Variants in DPP6 observed in about 807,000 individuals in gnomAD.
The protein encoded by DPP6 is A-type potassium channel modulatory protein DPP6.
A neutral mutation model predicts 122.6 loss-of-function variants in DPP6; 69 were observed. The ratio of observed to expected loss-of-function variants is 0.56; its 90% CI spans 0.46 to 0.69. The LOEUF (loss-of-function observed/expected upper bound fraction) is 0.69. Among genes scored for constraint, DPP6 ranks in the 30% least tolerant of loss-of-function variants. DPP6 has a pLI of 0.00. For synonymous variants in DPP6, 418 were observed against 433.1 expected (o/e 0.97, Z 0.43); for missense variants, 928 against 1,116.9 (o/e 0.83, Z 2.41).
chr7:154,155,369 A>T (rs1376275243), intron 1 of DPP6, among the ~76,000 whole-genome samples: 1 of 152,184 alleles, frequency 6.6e-6, no homozygotes, highest in Admixed American at 6.5e-5. Flanking sequence ...TTCTTCAGAG[A>T]AATAGTCAGG....
chr7:154,658,115 C>T (rs371980428), intron 6 of DPP6, among the ~76,000 whole-genome samples: 2 of 152,210 alleles, frequency 1.3e-5, no homozygotes, highest in African/African-American at 2.4e-5. Flanking sequence ...AGGTGCAAGA[C>T]GGATGGATTT....
At chr7:154,090,947 C>T (rs1410046929) in intron 1 of DPP6, among the ~76,000 whole-genome samples, 15 of 148,890 alleles carry the variant, frequency 1.0e-4, no homozygotes, top group South Asian at 2.2e-4. Context: ...AGTGAAACCC[C>T]GTCTCTACTA....
At chr7:154,779,336 A>G (rs1047767773) in intron 10 of DPP6, among the ~76,000 whole-genome samples, 1 of 144,188 alleles carries the variant, frequency 6.9e-6, no homozygotes, top group Non-Finnish European at 1.5e-5. Flanking sequence ...CACCACCACC[A>G]TCATCACTTC....
chr7:154,011,131 T>C (rs1798135696), intron 1 of DPP6, among the ~76,000 whole-genome samples: 1 of 152,148 alleles, frequency 6.6e-6, no homozygotes, highest in South Asian at 2.1e-4. Context: ...CAAATAGCTC[T>C]CCCTCTCCAC....
At chr7:154,878,107 A>G (rs1584960533) in intron 20 of DPP6, among the ~76,000 whole-genome samples, 1 of 151,722 alleles carries the variant, frequency 6.6e-6, no homozygotes, top group South Asian at 2.1e-4. Flanking sequence ...TCCTCACCCC[A>G]CCTGCTCTAT....
At chr7:154,597,495 C>T (rs1239856542) in intron 5 of DPP6, among the ~76,000 whole-genome samples, 1 of 151,838 alleles carries the variant, frequency 6.6e-6, no homozygotes, top group Non-Finnish European at 1.5e-5. Context: ...CACCTGTAGT[C>T]CCAGCTACTC....
intron 1 of DPP6, among the ~76,000 whole-genome samples, chr7:154,147,830 C>T (rs191528474): frequency 2.0e-5 from 3 of 152,236 alleles, no homozygotes; most frequent in South Asian, 2.1e-4. Flanking sequence ...AAGTGTGAGC[C>T]GCAGCACCTG....
intron 1 of DPP6, among the ~76,000 whole-genome samples, chr7:154,181,407 A>G (rs2150747326): frequency 6.6e-6 from 1 of 152,298 alleles, no homozygotes; most frequent in Non-Finnish European, 1.5e-5. Flanking sequence ...CTGGTGTCAG[A>G]AATTCCCTAG....
chr7:154,260,715 GTA>G (rs1802958637), intron 1 of DPP6, among the ~76,000 whole-genome samples: 1 of 146,106 alleles, frequency 6.8e-6, no homozygotes, highest in Non-Finnish European at 1.5e-5. Context: ...TATATATTAT[GTA>G]TATATAAAAT....
At chr7:154,323,100 A>C (rs1030865264) in intron 1 of DPP6, among the ~76,000 whole-genome samples, 25 of 152,202 alleles carry the variant, frequency 1.6e-4, no homozygotes, top group African/African-American at 5.8e-4. Flanking sequence ...AAGAAACTTC[A>C]AAACCAAATG....
chr7:154,061,634 G>A lies in DPP6; in HGVS notation c.243+8571G>A, dbSNP rs1216163278. On this transcript the variant is annotated intron_variant, in intron 1 of 25. Coordinates refer to ENST00000377770, the MANE Select transcript of DPP6 (RefSeq NM_130797.4). ...CCCATCACAGGGGGGGGAGGCACCCGCTGCGAGGCGGGGACTCAGAGCCAA... is the reference window on the plus strand; with the variant it reads ...CCCATCACAGGGGGGGGAGGCACCCACTGCGAGGCGGGGACTCAGAGCCAA... Among the ~76,000 whole-genome samples the A allele has an allele frequency of 5.3e-4, 45 of 84,786 alleles. 4 individuals carry two copies. The highest frequency in any genetic ancestry group is 1.4e-3 in the East Asian group (4 of 2,800). The allele number at this position is 84,786 out of a possible 152,430, so 55.6% of individuals were successfully genotyped here.
chr7:154,552,327 T>C (rs902739), intron 4 of DPP6, among the ~76,000 whole-genome samples: 74,430 of 151,984 alleles, frequency 0.49, 18,701 homozygotes, highest in African/African-American at 0.57. Flanking sequence ...CTACTTTACC[T>C]TGCCCTAAAA....
intron 5 of DPP6, among the ~76,000 whole-genome samples, chr7:154,626,108 C>G (rs914583241): frequency 7.2e-5 from 11 of 152,108 alleles, no homozygotes; most frequent in Admixed American, 5.2e-4. Flanking sequence ...GGTGTGCATC[C>G]TGGAAAATTA....
Position 154,880,715 on chromosome 7 carries a change from G to A in DPP6, c.2079-173G>A, listed in dbSNP as rs574096958. 3.3e-5 allele frequency among the ~76,000 whole-genome samples: 5 copies of A among 152,272 alleles called. No homozygotes were observed. In the South Asian group the frequency reaches 1.0e-3, roughly 32 times the overall value. ...GGTTTTAACGTGAACATGCTGACTT[G>A]GCACTAAATAAATAAAAGCAATAAA... On this transcript the variant is annotated intron_variant, in intron 20 of 25. Coordinates refer to ENST00000377770, the MANE Select transcript of DPP6 (RefSeq NM_130797.4).
chr7:154,539,438 C>A (rs10266036), intron 3 of DPP6, among the ~76,000 whole-genome samples: 16,371 of 151,948 alleles, frequency 0.11, 922 homozygotes, highest in African/African-American at 0.15. Context: ...ACAATGAGAA[C>A]ACTTGGACAC....
intron 1 of DPP6, among the ~76,000 whole-genome samples, chr7:153,962,656 T>C (rs2129028876): frequency 6.6e-6 from 1 of 152,302 alleles, no homozygotes; most frequent in East Asian, 1.9e-4. Flanking sequence ...AGTAAACCTG[T>C]CAAGAAGCCA....
chr7:154,027,453 C>A (rs1469059665), intron 1 of DPP6, among the ~76,000 whole-genome samples: 1 of 152,162 alleles, frequency 6.6e-6, no homozygotes, highest in East Asian at 1.9e-4. Context: ...TGGCTTCTCG[C>A]TGTGTCCTCA....
At chr7:153,847,426 T>C in the DPP6 span, among the ~76,000 whole-genome samples, 1 of 152,254 alleles carries the variant, frequency 6.6e-6, no homozygotes, top group African/African-American at 2.4e-5. Context: ...TTTGTTCTCT[T>C]GACTATGCAT....
intron 1 of DPP6, chr7:154,093,632 C>CACACACACACACACA (rs746381906): frequency 3.1e-5 from 4 of 128,174 alleles, no homozygotes; most frequent in African/African-American, 1.1e-4. Flanking sequence ...CACACACACA[C>CACACACACACACACA]CATACACACA....
Sources: gnomAD v4.1 joint callset for allele counts (sites outside exome capture counted in the v4.1 genomes callset) on GRCh38, gnomAD v4.1.1 for gene constraint, MANE v1.5 for transcripts, NCBI Gene and HGNC (gene_info 2026-07-23, HGNC 2026-07-21) for gene names.